ARFGEF3: variants seen among roughly 807,000 people sequenced by gnomAD.
The protein encoded by ARFGEF3 is ARFGEF family member 3.
Under a neutral mutation model 221.7 loss-of-function variants are expected in ARFGEF3, and 96 were observed. The observed-to-expected ratio is 0.43, with a 90% CI of 0.37 to 0.51. The LOEUF is 0.51. ARFGEF3 is among the 20% of genes least tolerant of loss of function. The pLI is 0.00. For missense variants in ARFGEF3, 2,410 were observed against 2,789.9 expected (o/e 0.86, Z 3.07); for synonymous variants, 1,145 against 1,126.8 (o/e 1.02, Z -0.32).
At chr6:138,230,317 C>T (rs1442759777) in intron 5 of ARFGEF3, among the ~76,000 whole-genome samples, 3 of 152,196 alleles carry the variant, frequency 2.0e-5, no homozygotes, top group African/African-American at 4.8e-5. Context: ...CTTCTCATTT[C>T]AATCTGTATT....
intron 2 of ARFGEF3, among the ~76,000 whole-genome samples, chr6:138,206,209 C>A (rs1777622286): frequency 6.6e-6 from 1 of 152,132 alleles, no homozygotes; most frequent in African/African-American, 2.4e-5. Context: ...GATTAAAATT[C>A]TTGGTCTGTC....
chr6:138,229,799 A>T lies in ARFGEF3; in HGVS notation c.367A>T (p.Thr123Ser). 1 of 1,613,582 alleles carries T rather than the reference A, an allele frequency of 6.2e-7. No individual in the cohort carries two copies. The highest frequency in any genetic ancestry group is 8.5e-7 in the Non-Finnish European group (1 of 1,179,620). Reference sequence around the variant, plus strand: ...CTTGTTAAAGGTTTTACTATGCATCACCTACACGCCAACATTTGATCTGAA... The same window carrying T: ...CTTGTTAAAGGTTTTACTATGCATCTCCTACACGCCAACATTTGATCTGAA... The part of the protein sequence containing the change: ...VEVMKVLLCI[T>S]YTPTFDLNGS... The change falls in exon 5 of 34, where the codon ACC becomes TCC. Residue 123 changes from threonine to serine, a missense_variant. Thr to Ser is a moderately conservative substitution (Grantham distance 58). Coordinates refer to ENST00000251691, the MANE Select transcript of ARFGEF3 (RefSeq NM_020340.5).
intron 12 of ARFGEF3, among the ~76,000 whole-genome samples, chr6:138,265,664 C>A (rs1411913535): frequency 6.6e-6 from 1 of 152,168 alleles, no homozygotes; most frequent in Non-Finnish European, 1.5e-5. Flanking sequence ...CAGACACACC[C>A]ACCCAAATCC....
chr6:138,229,964 C>A, intron 5 of ARFGEF3, 112 bp downstream of exon 5: 2 of 875,574 alleles, frequency 2.3e-6, no homozygotes, highest in Non-Finnish European at 3.7e-6. Flanking sequence ...TCTCTGATTA[C>A]TACCGTGGGG....
chr6:138,175,877 A>C (rs1038627834), intron 2 of ARFGEF3, among the ~76,000 whole-genome samples: 1 of 152,134 alleles, frequency 6.6e-6, no homozygotes, highest in Non-Finnish European at 1.5e-5. Flanking sequence ...ATTGGTGTCT[A>C]TCTCTTTCTT....
chr6:138,286,791 G>A lies in ARFGEF3; in HGVS notation c.2660G>A (p.Ser887Asn). 1 of 1,614,056 alleles carries A rather than the reference G, an allele frequency of 6.2e-7. No individual in the cohort carries two copies. The highest frequency in any genetic ancestry group is 8.5e-7 in the Non-Finnish European group (1 of 1,179,900). The change falls in exon 16 of 34, where the codon AGC becomes AAC. Residue 887 changes from serine (S) to asparagine (N), a missense_variant. Ser to Asn is a conservative substitution (Grantham distance 46, BLOSUM62 1). Around this residue, in one of 5 missense-constraint regions of ARFGEF3, gnomAD observed 594 missense variants for 734.3 expected, o/e 0.81. Coordinates refer to ENST00000251691, the MANE Select transcript of ARFGEF3 (RefSeq NM_020340.5). Reference protein sequence around the residue: ...STPLTGRMAGSSKGLAFILGA... With the variant: ...STPLTGRMAGNSKGLAFILGA... ...CCACTGACTGGTCGAATGGCGGGGAGCTCCAAAGGGCTGGCCTTCATTCTG... is the reference window on the plus strand; with the variant it reads ...CCACTGACTGGTCGAATGGCGGGGAACTCCAAAGGGCTGGCCTTCATTCTG...
rs900017506 is a variant in ARFGEF3 at position 138,292,105 on chromosome 6, C to A, written c.3368+52C>A. 10 of 1,346,490 alleles carry A rather than the reference C, an allele frequency of 7.4e-6. No homozygotes were observed. The African/African-American group carries it at 1.1e-4, about 15-fold the overall frequency. 83.4% of individuals were successfully genotyped at this position (1,346,490 alleles called of 1,614,324 possible). On this transcript the variant is annotated intron_variant, in intron 19 of 33. Coordinates refer to ENST00000251691, the MANE Select transcript of ARFGEF3 (RefSeq NM_020340.5). Reference sequence around the variant, plus strand: ...CGGGAGCCTGCTTACCAGGCGACACCCACATCCATCTGGTTTCAGTCATGC... The same window carrying A: ...CGGGAGCCTGCTTACCAGGCGACACACACATCCATCTGGTTTCAGTCATGC...
At position 138,194,966 on chromosome 6, in the gene ARFGEF3, A is replaced by AAACTAACT. The variant is rs541655801; in HGVS notation, c.138-12075_138-12068dup. On this transcript the variant is annotated intron_variant, in intron 2 of 33. Transcript: ENST00000251691. Reference sequence around the variant, plus strand: ...AGCATGTGCATGTACTTGTAGGCTCAAACTAACTTCACCTTTTCCCTAATT... The same window carrying AAACTAACT: ...AGCATGTGCATGTACTTGTAGGCTCAAACTAACTAACTAACTTCACCTTTTCCCTAATT... Among the ~76,000 whole-genome samples, 542 of 148,254 alleles carry AAACTAACT rather than the reference A, an allele frequency of 3.7e-3. 1 individual carries two copies. Among genetic ancestry groups the AAACTAACT allele is most frequent in the Non-Finnish European group, 6.1e-3 (415 of 67,558 alleles).
At chr6:138,246,594 T>C (rs552011085) in intron 8 of ARFGEF3, among the ~76,000 whole-genome samples, 1 of 152,366 alleles carries the variant, frequency 6.6e-6, no homozygotes, top group South Asian at 2.1e-4. Flanking sequence ...CTTCTGTTGT[T>C]CCTGTAAGTC....
intron 14 of ARFGEF3, among the ~76,000 whole-genome samples, chr6:138,282,252 C>T (rs1171463288): frequency 1.3e-5 from 2 of 151,870 alleles, no homozygotes; most frequent in Non-Finnish European, 2.9e-5. Context: ...GCCGCACCCA[C>T]CCTCCCCAGA....
rs1416331914 is a variant in ARFGEF3 at position 138,255,453 on chromosome 6, C to A, written c.788C>A (p.Ala263Asp). The stretch of plus-strand genomic sequence containing the variant: ...CTTCCCAGGAAAAACCTCTGCCCTG[C>A]TCTCATCGTGATCTTGGGGAATCCA... ...TDLIWKNLCP[A>D]LIVILGNPIH... Residue 263 changes from alanine (A) to aspartate (D), a missense_variant, in exon 10 of 34, where the codon GCT becomes GAT. Ala to Asp is a moderately radical substitution (Grantham distance 126). Coordinates refer to ENST00000251691, the MANE Select transcript of ARFGEF3 (RefSeq NM_020340.5). 1 of 1,605,404 alleles carries A rather than the reference C, an allele frequency of 6.2e-7. No individual in the cohort carries two copies. The highest frequency in any genetic ancestry group is 1.1e-5 in the South Asian group (1 of 90,732).
intron 14 of ARFGEF3, among the ~76,000 whole-genome samples, chr6:138,282,419 G>A (rs967791039): frequency 2.6e-5 from 4 of 152,236 alleles, no homozygotes; most frequent in African/African-American, 7.2e-5. Context: ...TCCAACTGGG[G>A]CACAGAATCT....
chr6:138,286,086 C>CAGTGT, intron 15 of ARFGEF3, 33 bp downstream of exon 15: 1 of 1,136,544 alleles, frequency 8.8e-7, no homozygotes, highest in Non-Finnish European at 1.3e-6. Context: ...TATGAACATC[C>CAGTGT]ATACACTGCA....
intron 26 of ARFGEF3, among the ~76,000 whole-genome samples, chr6:138,315,785 G>T (rs1779914247): frequency 6.6e-6 from 1 of 151,902 alleles, no homozygotes; most frequent in Admixed American, 6.6e-5. Flanking sequence ...GGGAGGTGGA[G>T]GTTGCAGTGA....
At position 138,296,076 on chromosome 6, in the gene ARFGEF3, A is replaced by G. The variant is rs113530737; in HGVS notation, c.3503-734A>G. Among the ~76,000 whole-genome samples, 1,362 of 152,276 alleles carry G rather than the reference A, an allele frequency of 8.9e-3. 5 individuals carry two copies. Among genetic ancestry groups the G allele is most frequent in the Non-Finnish European group, 0.013 (903 of 68,010 alleles). On this transcript the variant is annotated intron_variant, in intron 20 of 33. Transcript: ENST00000251691. ...AAGAAGGTGGCAAACCCCGCCCCCCATAGTTTCTCACCCTAGTTCAAGATT... is the reference window on the plus strand; with the variant it reads ...AAGAAGGTGGCAAACCCCGCCCCCCGTAGTTTCTCACCCTAGTTCAAGATT...
chr6:138,265,461 A>G (rs1274006076), intron 12 of ARFGEF3, among the ~76,000 whole-genome samples: 1 of 151,704 alleles, frequency 6.6e-6, no homozygotes, highest in Non-Finnish European at 1.5e-5. Flanking sequence ...GGATTTTTTT[A>G]TTTGTGTGTG....
intron 32 of ARFGEF3, among the ~76,000 whole-genome samples, chr6:138,333,382 A>T (rs1255142362): frequency 6.6e-6 from 1 of 152,168 alleles, no homozygotes; most frequent in Non-Finnish European, 1.5e-5. Flanking sequence ...TAACTCTCTG[A>T]TATCTGTGAT....
At chr6:138,166,912 C>T (rs1262091855) in intron 1 of ARFGEF3, among the ~76,000 whole-genome samples, 1 of 152,222 alleles carries the variant, frequency 6.6e-6, no homozygotes, top group Non-Finnish European at 1.5e-5. Flanking sequence ...GTGATTACTT[C>T]ACAGCCAAAC....
intron 11 of ARFGEF3, 116 bp downstream of exon 11, chr6:138,261,755 T>A: frequency 2.1e-6 from 1 of 468,592 alleles, no homozygotes; most frequent in Non-Finnish European, 3.8e-6. Context: ...TGTGTCTATT[T>A]AATAATTTAC....
Sources: allele counts gnomAD v4.1 joint callset (sites outside exome capture counted in the v4.1 genomes callset), GRCh38; gene constraint gnomAD v4.1.1; regional missense constraint gnomAD v4.1.1; transcripts MANE v1.5; gene names NCBI Gene and HGNC (gene_info 2026-07-23, HGNC 2026-07-21).